CILP: variants seen among roughly 807,000 people sequenced by gnomAD.
CILP encodes the protein cartilage intermediate layer protein.
CILP carries 75 observed loss-of-function variants against 82.5 expected under a neutral mutation model. The observed-to-expected ratio is 0.91, with a 90% CI of 0.75 to 1.10. The LOEUF (loss-of-function observed/expected upper bound fraction) is 1.10, where lower values mean the gene tolerates loss of function less well. CILP is among the 50% of genes least tolerant of loss of function. The pLI, the probability that CILP is intolerant of heterozygous loss-of-function variation, is 0.00. For synonymous variants in CILP, 530 were observed against 580.3 expected, an observed-to-expected ratio of 0.91 and a Z score of 1.25; for missense variants, 1,479 against 1,530.8, an observed-to-expected ratio of 0.97 and a Z score of 0.56.
chr15:65,211,219 G>A (rs2140686368), intron 1 of CILP, among the ~76,000 whole-genome samples: 1 of 152,288 alleles, frequency 6.6e-6, no homozygotes, highest in Admixed American at 6.5e-5. Context: ...CCTGTCCTCA[G>A]GTGGGGGAGG....
At chr15:65,200,654 C>T (rs2088438531) in intron 8 of CILP, among the ~76,000 whole-genome samples, 1 of 152,184 alleles carries the variant, frequency 6.6e-6, no homozygotes, top group East Asian at 1.9e-4. Context: ...CAATCTGGAA[C>T]ACCCTCACCT....
chr15:65,207,900 T>C (rs1053571737), intron 2 of CILP, 136 bp from the exon 3 acceptor site: 34 of 688,760 alleles, frequency 4.9e-5, no homozygotes, highest in Admixed American at 1.8e-4. Flanking sequence ...CTCTGCTACT[T>C]ATTGCTGTGC....
rs2088526100 is a variant in CILP at position 65,207,051 on chromosome 15, C to T, written c.155G>A (p.Ser52Asn). Residue 52 changes from serine (S) to asparagine (N), a missense_variant and splice_region_variant, in exon 4 of 9, where the codon AGC becomes AAC. Ser to Asn is a conservative substitution (Grantham distance 46). Transcript: ENST00000261883. ...IFAKPADTLE[S>N]PGEWTTWFNI... ...GAACCATGTTGTCCACTCACCAGGG[C>T]CTGAGAGACATAGCCAAATTGCGGA... The T allele has an allele frequency of 1.9e-6, 3 of 1,608,874 alleles. No individual in the cohort carries two copies. Among genetic ancestry groups the T allele is most frequent in the African/African-American group, 1.3e-5 (1 of 74,854 alleles).
chr15:65,211,126 G>A (rs1320895751), intron 1 of CILP, among the ~76,000 whole-genome samples: 2 of 152,152 alleles, frequency 1.3e-5, no homozygotes, highest in Admixed American at 6.5e-5. Context: ...CAGAACACTT[G>A]GACAAAGCAG....
chr15:65,203,351 A>C lies in CILP; in HGVS notation c.1028+11T>G. 6.3e-7 allele frequency: 1 copy of C among 1,596,450 alleles called. No individual in the cohort carries two copies. The highest frequency in any genetic ancestry group is 1.1e-5 in the South Asian group (1 of 90,710). On this transcript the variant is annotated intron_variant, in intron 7 of 8. Transcript: ENST00000261883. ...AGGAGAATTGGGCAGGGTAGCTAGC[A>C]GAATACGCACCAAAAATACTTGTCT...
chr15:65,207,399 C>T (rs1160169178), intron 3 of CILP, among the ~76,000 whole-genome samples: 1 of 152,156 alleles, frequency 6.6e-6, no homozygotes, highest in Non-Finnish European at 1.5e-5. Context: ...CTGTCCCCAG[C>T]CATCTCTCCA....
chr15:65,202,553 G>A (rs934238375), intron 7 of CILP, among the ~76,000 whole-genome samples: 1 of 151,842 alleles, frequency 6.6e-6, no homozygotes. Context: ...TTAGCCTCTC[G>A]AGTAGCTGGG....
chr15:65,205,489 G>A (rs201970392), intron 4 of CILP, 23 bp from the exon 5 acceptor site: 230 of 1,573,284 alleles, frequency 1.5e-4, no homozygotes, highest in Non-Finnish European at 1.8e-4. Flanking sequence ...ATCAGCAGAC[G>A]GTCTGATTTC....
At chr15:65,207,828 T>C (rs2088535083) in intron 2 of CILP, 64 bp from the exon 3 acceptor site, 2 of 1,404,898 alleles carry the variant, frequency 1.4e-6, no homozygotes. Context: ...TTCCTCAAGA[T>C]GCAGGGAAAC....
chr15:65,197,895 G>A lies in CILP; in HGVS notation c.2391C>T (p.Asp797=). Residue 797 remains aspartate (D), a synonymous_variant, in exon 9 of 9, where the codon GAC becomes GAT. Coordinates refer to ENST00000261883, the MANE Select transcript of CILP (RefSeq NM_003613.4). ...CCCCGTTGGGGCCTGTGATGACACT[G>A]TCAAAGCGGCCCCAGGCCCTAGGGT... ...LSNPRAWGRF[D]SVITGPNGAC... 1.2e-6 allele frequency: 2 copies of A among 1,614,066 alleles called. No homozygotes were observed. The highest frequency in any genetic ancestry group is 8.5e-7 in the Non-Finnish European group (1 of 1,180,002).
intron 6 of CILP, 124 bp downstream of exon 6, chr15:65,204,144 T>C (rs1272309305): frequency 2.5e-6 from 2 of 792,934 alleles, no homozygotes; most frequent in African/African-American, 1.7e-5. Context: ...TAGTGCCATG[T>C]GGGCCATGGT....
chr15:65,206,101 CAT>C (rs1265195864), intron 4 of CILP, among the ~76,000 whole-genome samples: 2 of 152,168 alleles, frequency 1.3e-5, no homozygotes, highest in African/African-American at 4.8e-5. Context: ...GATATAAATG[CAT>C]AGACTCTGCA....
chr15:65,205,562 AG>A (rs2140680884), intron 4 of CILP, 96 bp from the exon 5 acceptor site: 1 of 1,222,748 alleles, frequency 8.2e-7, no homozygotes, highest in East Asian at 2.6e-5. Context: ...GGTAAAGACA[AG>A]GTTTCCATTT....
At position 65,196,514 on chromosome 15, in the gene CILP, A is replaced by T. The variant is rs1386705366; in HGVS notation, c.*217T>A. On this transcript the variant is annotated 3_prime_UTR_variant, in exon 9 of 9. Coordinates refer to ENST00000261883, the MANE Select transcript of CILP (RefSeq NM_003613.4). ...ACCAGTGGCCAATTTCTTGTGTTTC[A>T]TTTAAAGAACAGTTTCACAAAGGGG... 2.5e-5 allele frequency: 11 copies of T among 440,310 alleles called. No homozygotes were observed. The highest frequency in any genetic ancestry group is 4.0e-5 in the Non-Finnish European group (10 of 251,696). The allele number at this position is 440,310 out of a possible 1,614,324, so 27.3% of individuals were successfully genotyped here. A position where few individuals can be genotyped will look rare whatever the true frequency, so the allele number is the denominator to read the frequency against.
At chr15:65,201,033 G>T (rs1299763316) in intron 8 of CILP, among the ~76,000 whole-genome samples, 1 of 151,238 alleles carries the variant, frequency 6.6e-6, no homozygotes, top group Non-Finnish European at 1.5e-5. Context: ...ACAGAGTCTT[G>T]CTCTGTTTCC....
chr15:65,199,526 A>C (rs1351008366), intron 8 of CILP, among the ~76,000 whole-genome samples: 4 of 152,214 alleles, frequency 2.6e-5, no homozygotes, highest in Non-Finnish European at 5.9e-5. Flanking sequence ...ACCTGTTTAA[A>C]GTGATCAGAG....
Position 65,198,398 on chromosome 15 carries a change from G to C in CILP, c.1888C>G (p.Arg630Gly). Residue 630 changes from arginine to glycine, a missense_variant, in exon 9 of 9, where the codon CGG (arginine) becomes GGG (glycine). Physicochemically the swap from Arg to Gly is moderately radical, Grantham distance 125 (BLOSUM62 -2). Transcript: ENST00000261883. ...GCAGCTGTGGCTGTGGAAATATTCC[G>C]GGGATCCAGGAAGGTCACACTGGCC... is the stretch of plus-strand genomic sequence containing the variant. ...VKASVTFLDP[R>G]NISTATAAQT... 1.9e-6 allele frequency: 3 copies of C among 1,614,196 alleles called. No individual in the cohort carries two copies. Among genetic ancestry groups the C allele is most frequent in the Non-Finnish European group, 2.5e-6 (3 of 1,180,024 alleles).
At chr15:65,205,198 C>T (rs1043448711) in intron 5 of CILP, 89 bp downstream of exon 5, 4 of 1,226,694 alleles carry the variant, frequency 3.3e-6, no homozygotes, top group African/African-American at 1.5e-5. Context: ...TGAAGGAATC[C>T]ATCAGTCTCA....
In CILP at chr15:65,197,245, A is replaced by C. The variant is rs746797869; in HGVS notation, c.3041T>G (p.Leu1014Arg). ...ACLEFKCSGM[L>R]YDQDRVDRTL... is the part of the protein sequence containing the mutation. ...GCGGTCCACACGGTCCTGATCATAGAGCATCCCACTGCACTTGAACTCCAG... is the reference window on the plus strand; with the variant it reads ...GCGGTCCACACGGTCCTGATCATAGCGCATCCCACTGCACTTGAACTCCAG... Residue 1014 changes from leucine (L) to arginine (R), a missense_variant, in exon 9 of 9, where the codon CTC becomes CGC. By Grantham distance (102) the Leu-to-Arg change is moderately radical (BLOSUM62 -2). Coordinates refer to ENST00000261883, the MANE Select transcript of CILP (RefSeq NM_003613.4). 36 of 1,613,954 alleles carry C rather than the reference A, an allele frequency of 2.2e-5. No individual in the cohort carries two copies. The highest frequency in any genetic ancestry group is 2.5e-5 in the Non-Finnish European group (30 of 1,180,008).
Sources: allele counts gnomAD v4.1 joint callset (sites outside exome capture counted in the v4.1 genomes callset), GRCh38; gene constraint gnomAD v4.1.1; transcripts MANE v1.5; gene names NCBI Gene and HGNC (gene_info 2026-07-23, HGNC 2026-07-21).